MAP4: variants seen among roughly 807,000 people sequenced by gnomAD.
The protein encoded by MAP4 is microtubule-associated protein 4.
In MAP4, 76 loss-of-function variants were observed where a neutral mutation model predicts 170.2. That is an observed-to-expected ratio of 0.45 (90% CI 0.37 to 0.54). The LOEUF is 0.54. Ranked by LOEUF, MAP4 falls within the 20% of genes least tolerant of loss-of-function variation. MAP4 has a pLI of 0.00. For missense variants in MAP4, 2,506 were observed against 2,748.0 expected (o/e 0.91, Z 1.97); for synonymous variants, 909 against 994.5 (o/e 0.91, Z 1.62).
chr3:48,010,283 C>T (rs1179350346), intron 1 of MAP4, among the ~76,000 whole-genome samples: 2 of 152,174 alleles, frequency 1.3e-5, no homozygotes, highest in Admixed American at 6.5e-5. Flanking sequence ...GCTATGACCA[C>T]GTGACCAGCT....
intron 1 of MAP4, among the ~76,000 whole-genome samples, chr3:47,999,953 A>G (rs1028855639): frequency 5.3e-5 from 8 of 151,964 alleles, no homozygotes; most frequent in African/African-American, 1.7e-4. Flanking sequence ...AGTGGCTCAC[A>G]CCTGTAATCC....
intron 3 of MAP4, among the ~76,000 whole-genome samples, chr3:47,932,432 T>TA (rs2100050395): frequency 2.0e-5 from 3 of 152,222 alleles, no homozygotes; most frequent in African/African-American, 4.8e-5. Flanking sequence ...TTATCTTTGA[T>TA]ATATCCCTAG....
At chr3:48,033,897 C>T (rs2100117461) in intron 1 of MAP4, among the ~76,000 whole-genome samples, 2 of 152,104 alleles carry the variant, frequency 1.3e-5, no homozygotes. Context: ...GCCACCGTGT[C>T]CAGCCAAGAA....
intron 5 of MAP4, among the ~76,000 whole-genome samples, chr3:47,920,994 C>T (rs1429767745): frequency 2.0e-5 from 3 of 152,116 alleles, no homozygotes; most frequent in African/African-American, 7.2e-5. Flanking sequence ...CCCATCTCTA[C>T]AAAAAATTAG....
intron 3 of MAP4, chr3:47,974,382 G>A (rs148803540): frequency 5.2e-6 from 4 of 768,238 alleles, no homozygotes; most frequent in East Asian, 2.6e-4. Flanking sequence ...CCAAGATCGC[G>A]CCACCGCACT....
intron 2 of MAP4, among the ~76,000 whole-genome samples, chr3:47,985,059 C>A (rs1020575647): frequency 6.6e-6 from 1 of 152,070 alleles, no homozygotes; most frequent in Non-Finnish European, 1.5e-5. Context: ...GTGGGTGAAT[C>A]ACCTGAGGTC....
intron 1 of MAP4, among the ~76,000 whole-genome samples, chr3:48,056,506 C>CG (rs2100131775): frequency 8.6e-5 from 4 of 46,658 alleles, no homozygotes; most frequent in African/African-American, 1.3e-4. Flanking sequence ...TCAGCCCTCC[C>CG]CCCGGCCAGC....
At chr3:47,931,494 T>C (rs1358524779) in intron 3 of MAP4, among the ~76,000 whole-genome samples, 1 of 152,128 alleles carries the variant, frequency 6.6e-6, no homozygotes, top group Non-Finnish European at 1.5e-5. Flanking sequence ...TTTTTTGTTG[T>C]TGAGACAGGG....
At chr3:48,013,400 G>C (rs1347047831) in intron 1 of MAP4, 3 of 152,078 alleles carry the variant, frequency 2.0e-5, no homozygotes, top group Non-Finnish European at 4.4e-5. Context: ...TTGTGAGTAA[G>C]AGTCAAGAGA....
intron 2 of MAP4, among the ~76,000 whole-genome samples, chr3:47,985,972 T>C (rs2100088415): frequency 6.6e-6 from 1 of 152,144 alleles, no homozygotes; most frequent in Non-Finnish European, 1.5e-5. Context: ...GAGGTGTGAG[T>C]TCTGCAGTTT....
upstream of MAP4, among the ~76,000 whole-genome samples, chr3:48,021,299 T>C (rs17498376): frequency 0.042 from 6,434 of 152,160 alleles, 305 homozygotes; most frequent in Admixed American, 0.13. Flanking sequence ...GGTTTTATGA[T>C]ATTTTAAAGG....
chr3:47,924,604 T>C (rs544408028), intron 4 of MAP4, among the ~76,000 whole-genome samples: 13 of 152,192 alleles, frequency 8.5e-5, no homozygotes, highest in African/African-American at 3.1e-4. Context: ...CCCAGCTCCA[T>C]GACTAGGGTT....
At chr3:47,971,039 A>G (rs901311168) in intron 3 of MAP4, among the ~76,000 whole-genome samples, 1 of 152,232 alleles carries the variant, frequency 6.6e-6, no homozygotes, top group African/African-American at 2.4e-5. Flanking sequence ...GTATATGGGT[A>G]TATGTGGACT....
chr3:48,066,486 A>G (rs935613312), intron 1 of MAP4, among the ~76,000 whole-genome samples: 6 of 151,970 alleles, frequency 3.9e-5, no homozygotes, highest in Admixed American at 1.3e-4. Context: ...TCACATATAT[A>G]TATTTTTTAT....
chr3:48,081,575 A>G (rs2100146717), intron 1 of MAP4, among the ~76,000 whole-genome samples: 1 of 152,154 alleles, frequency 6.6e-6, no homozygotes, highest in African/African-American at 2.4e-5. Context: ...TAAATCAGCC[A>G]AATTTCTCAC....
chr3:48,042,693 G>A (rs538118017), intron 1 of MAP4, among the ~76,000 whole-genome samples: 1 of 152,114 alleles, frequency 6.6e-6, no homozygotes, highest in Admixed American at 6.5e-5. Context: ...CCTTGAAAAA[G>A]TCTGGGAGCT....
At chr3:47,904,545 C>T (rs2100031814) in intron 9 of MAP4, among the ~76,000 whole-genome samples, 1 of 151,282 alleles carries the variant, frequency 6.6e-6, no homozygotes, top group Non-Finnish European at 1.5e-5. Flanking sequence ...CTCCTGACCT[C>T]AGGTGATCTG....
chr3:47,946,548 T>G (rs958446894), intron 3 of MAP4, among the ~76,000 whole-genome samples: 1 of 146,668 alleles, frequency 6.8e-6, no homozygotes, highest in African/African-American at 2.5e-5. Flanking sequence ...CAGCTACTCA[T>G]GAGGCTGAGA....
rs1051833127 is a variant in MAP4, at chr3:47,911,255, C to T, written c.3166G>A (p.Ala1056Thr). 16 of 1,536,000 alleles carry T rather than the reference C, an allele frequency of 1.0e-5. No individual in the cohort carries two copies. The highest frequency in any genetic ancestry group is 1.1e-5 in the Non-Finnish European group (13 of 1,146,920). The change falls in exon 9 of 21, where the codon GCA (alanine) becomes ACA (threonine). Residue 1056 changes from alanine to threonine, a missense_variant. Transcript: ENST00000683076. This position sits in a 1 kb window ranked among gnomAD's most constrained non-coding sequence, Gnocchi z 4.0. ...CCCTTCCTGCTTTTGCCATCACCTG[C>T]CATTCTCTTAAATGGTTCATTCTCT... ...GVENEPFKRMAGDGKSRKGRG... is the reference protein window; with the variant it reads ...GVENEPFKRMTGDGKSRKGRG...
Sources: allele counts gnomAD v4.1 joint callset (sites outside exome capture counted in the v4.1 genomes callset), GRCh38; gene constraint gnomAD v4.1.1; non-coding constraint Gnocchi (gnomAD v3.1); transcripts MANE v1.5; gene names NCBI Gene and HGNC (gene_info 2026-07-23, HGNC 2026-07-21).